CLSTN2: variants seen among roughly 807,000 people sequenced by gnomAD.
CLSTN2 encodes the protein calsyntenin-2.
Under a neutral mutation model 101.2 loss-of-function variants are expected in CLSTN2, and 48 were observed. The observed-to-expected ratio is 0.47, with a 90% CI of 0.38 to 0.60. The LOEUF (loss-of-function observed/expected upper bound fraction) is 0.60, where lower values mean the gene tolerates loss of function less well. Ranked by LOEUF, CLSTN2 falls within the 20% of genes least tolerant of loss-of-function variation. The pLI, the probability that CLSTN2 is intolerant of heterozygous loss-of-function variation, is 0.00. For missense variants in CLSTN2, 1,160 were observed against 1,238.2 expected (o/e 0.94, Z 0.95); for synonymous variants, 481 against 463.6 (o/e 1.04, Z -0.48).
At position 140,404,545 on chromosome 3, in the gene CLSTN2, T is replaced by G; in HGVS notation, c.429-13T>G. 1 of 1,613,148 alleles carries G rather than the reference T, an allele frequency of 6.2e-7. No homozygotes were observed. Among genetic ancestry groups the G allele is most frequent in the African/African-American group, 1.3e-5 (1 of 75,002 alleles). On this transcript the variant is annotated splice_polypyrimidine_tract_variant and intron_variant, in intron 3 of 16. Transcript: ENST00000458420. ...CTTTACCACCATCCCTTCCTTTCTG[T>G]GTGTGGTCCCAGGGCCGTGGTCCAT...
chr3:139,965,191 A>C (rs185340897), intron 1 of CLSTN2, among the ~76,000 whole-genome samples: 1 of 152,358 alleles, frequency 6.6e-6, no homozygotes, highest in East Asian at 1.9e-4. Flanking sequence ...TTCTATCATT[A>C]GCTCAAGACT....
chr3:140,246,834 A>G (rs1373567690), intron 2 of CLSTN2, among the ~76,000 whole-genome samples: 1 of 152,040 alleles, frequency 6.6e-6, no homozygotes, highest in African/African-American at 2.4e-5. Context: ...GGGCTTCCTT[A>G]TTTGCTCCTG....
At chr3:140,324,013 G>C (rs2087308616) in intron 2 of CLSTN2, among the ~76,000 whole-genome samples, 1 of 152,160 alleles carries the variant, frequency 6.6e-6, no homozygotes, top group South Asian at 2.1e-4. Flanking sequence ...CTCTACCAAA[G>C]AAGAATAGAT....
At chr3:140,334,159 C>T (rs1245250863) in intron 2 of CLSTN2, among the ~76,000 whole-genome samples, 1 of 152,040 alleles carries the variant, frequency 6.6e-6, no homozygotes, top group African/African-American at 2.4e-5. Flanking sequence ...AGGGGTGTCA[C>T]AAATTGATGG....
chr3:140,217,413 T>C (rs1417504669), intron 2 of CLSTN2, among the ~76,000 whole-genome samples: 1 of 152,176 alleles, frequency 6.6e-6, no homozygotes, highest in Non-Finnish European at 1.5e-5. Flanking sequence ...GCTTTTCTTG[T>C]AGAATTTATC....
intron 2 of CLSTN2, among the ~76,000 whole-genome samples, chr3:140,228,882 T>G (rs1360656265): frequency 1.3e-5 from 2 of 152,068 alleles, no homozygotes; most frequent in Non-Finnish European, 2.9e-5. Context: ...TCCCACTGGG[T>G]CCCTCCCACA....
intron 15 of CLSTN2, among the ~76,000 whole-genome samples, chr3:140,563,479 T>C (rs930424874): frequency 2.8e-4 from 42 of 152,126 alleles, no homozygotes; most frequent in African/African-American, 1.0e-3. Context: ...ATGTCATGTA[T>C]GAAGCTTTCC....
At chr3:140,259,364 C>T (rs1221817073) in intron 2 of CLSTN2, among the ~76,000 whole-genome samples, 1 of 152,048 alleles carries the variant, frequency 6.6e-6, no homozygotes, top group Admixed American at 6.6e-5. Context: ...ATCCCAGCTA[C>T]TCAGGAGGCT....
At chr3:140,023,945 A>G (rs754947911) in intron 1 of CLSTN2, among the ~76,000 whole-genome samples, 1 of 152,122 alleles carries the variant, frequency 6.6e-6, no homozygotes, top group South Asian at 2.1e-4. Flanking sequence ...GCCCTGTCTC[A>G]CAGTAGCAGG....
At chr3:140,365,641 A>C (rs964188709) in intron 2 of CLSTN2, among the ~76,000 whole-genome samples, 1 of 151,936 alleles carries the variant, frequency 6.6e-6, no homozygotes, top group African/African-American at 2.4e-5. Context: ...CAGATGGTAA[A>C]TGGTGGTGCC....
At chr3:140,231,787 T>C (rs2086373896) in intron 2 of CLSTN2, among the ~76,000 whole-genome samples, 1 of 152,234 alleles carries the variant, frequency 6.6e-6, no homozygotes, top group African/African-American at 2.4e-5. Context: ...TAATGCCTGG[T>C]ATATGATAAT....
At chr3:140,454,501 G>A (rs943901521) in intron 6 of CLSTN2, 1 of 152,178 alleles carries the variant, frequency 6.6e-6, no homozygotes, top group Non-Finnish European at 1.5e-5. Context: ...CTGTGCCTAT[G>A]CTTAAGGTAC....
At chr3:140,407,434 C>T (rs1360760706) in intron 4 of CLSTN2, among the ~76,000 whole-genome samples, 2 of 152,116 alleles carry the variant, frequency 1.3e-5, no homozygotes, top group African/African-American at 4.8e-5. Context: ...CCTCTTCCTA[C>T]CAGAGGCCCT....
chr3:140,078,109 C>A (rs1467539773), intron 1 of CLSTN2, among the ~76,000 whole-genome samples: 1 of 152,148 alleles, frequency 6.6e-6, no homozygotes, highest in East Asian at 1.9e-4. Context: ...GAGGCTCCCT[C>A]TAGCCCACTT....
chr3:140,563,370 A>T (rs112211816), intron 15 of CLSTN2, among the ~76,000 whole-genome samples, 167 bp downstream of exon 15: 3,237 of 152,284 alleles, frequency 0.021, 121 homozygotes, highest in African/African-American at 0.074. Flanking sequence ...TCACACCCTC[A>T]ATAGGCAGTC....
chr3:140,559,444 C>A (rs1935866945), intron 12 of CLSTN2, among the ~76,000 whole-genome samples: 1 of 151,678 alleles, frequency 6.6e-6, no homozygotes, highest in Non-Finnish European at 1.5e-5. Context: ...GTTGTTATTT[C>A]CAACAACTTC....
chr3:140,169,167 C>T (rs1472137116), intron 1 of CLSTN2, among the ~76,000 whole-genome samples: 1 of 152,016 alleles, frequency 6.6e-6, no homozygotes, highest in Non-Finnish European at 1.5e-5. Flanking sequence ...TCTTTAAATT[C>T]TTTCAGCAGT....
chr3:140,360,228 G>C (rs1286576671), intron 2 of CLSTN2, among the ~76,000 whole-genome samples: 2 of 151,850 alleles, frequency 1.3e-5, no homozygotes, highest in Non-Finnish European at 2.9e-5. Flanking sequence ...TATTTTTCAG[G>C]CTCTCCCATG....
rs757537210 is a variant in CLSTN2 at position 140,562,308 on chromosome 3, G to A, written c.2212G>A (p.Gly738Ser). Reference protein sequence around the residue: ...TNSTAGYSIYGVGSMSRYEQV... With the variant: ...TNSTAGYSIYSVGSMSRYEQV... ...TTCTACTGCAGGCTACTCCATCTAC[G>A]GTAAGGCCACACTCAGCCCCCTTTG... Residue 738 changes from glycine to serine, a missense_variant and splice_region_variant, in exon 13 of 17, where the codon GGT becomes AGT. Coordinates refer to ENST00000458420, the MANE Select transcript of CLSTN2 (RefSeq NM_022131.3). The A allele has an allele frequency of 5.6e-6, 9 of 1,611,306 alleles. No individual in the cohort carries two copies. The highest frequency in any genetic ancestry group is 1.7e-5 in the Admixed American group (1 of 59,888).
Sources: allele counts gnomAD v4.1 joint callset (sites outside exome capture counted in the v4.1 genomes callset), GRCh38; gene constraint gnomAD v4.1.1; transcripts MANE v1.5; gene names NCBI Gene and HGNC (gene_info 2026-07-23, HGNC 2026-07-21).